TBC1D14: variants seen among roughly 807,000 people sequenced by gnomAD.
TBC1D14 encodes the protein TBC1 domain family, member 14.
Under a neutral mutation model 79.0 loss-of-function variants are expected in TBC1D14, and 26 were observed. That is an observed-to-expected ratio of 0.33 (90% CI 0.24 to 0.46). TBC1D14 has a LOEUF of 0.46. TBC1D14 is among the 20% of genes least tolerant of loss of function. The pLI is 1.00. For missense variants in TBC1D14, 769 were observed against 887.6 expected (o/e 0.87, Z 1.70); for synonymous variants, 394 against 349.9 (o/e 1.13, Z -1.40).
intron 2 of TBC1D14, among the ~76,000 whole-genome samples, chr4:6,939,257 G>A (rs1418370208): frequency 6.6e-6 from 1 of 152,178 alleles, no homozygotes; most frequent in Non-Finnish European, 1.5e-5. Flanking sequence ...CAGGCCTGGA[G>A]ACCCCTCCTG....
intron 9 of TBC1D14, among the ~76,000 whole-genome samples, chr4:7,007,181 T>C (rs1480726830): frequency 6.6e-6 from 1 of 152,140 alleles, no homozygotes; most frequent in African/African-American, 2.4e-5. Context: ...CCTGGGTGGG[T>C]GGCCAAGCCG....
intron 3 of TBC1D14, among the ~76,000 whole-genome samples, chr4:6,981,225 A>G (rs930054012): frequency 6.6e-6 from 1 of 151,668 alleles, no homozygotes; most frequent in Non-Finnish European, 1.5e-5. Context: ...GGGTTTTGCC[A>G]TGTTGGCCAG....
chr4:6,929,090 A>G (rs4254770), intron 2 of TBC1D14, among the ~76,000 whole-genome samples: 144,723 of 152,160 alleles, frequency 0.95, 69,243 homozygotes, highest in Middle Eastern at 1. Flanking sequence ...ATGGACCTGC[A>G]TTGCTGCTGG....
chr4:6,984,643 G>A (rs1717658105), intron 3 of TBC1D14, among the ~76,000 whole-genome samples: 1 of 152,202 alleles, frequency 6.6e-6, no homozygotes, highest in Non-Finnish European at 1.5e-5. Context: ...CGTTACAGGA[G>A]TCTCTGATGG....
rs1187758880 is a variant in TBC1D14, at chr4:6,999,212, G to C, written c.1163+10G>C. The stretch of plus-strand genomic sequence containing the variant: ...CTAACTGGGAAACAATGTAAGATGT[G>C]GCTCTGGGTGTGGCTGAACTGCAGA... On this transcript the variant is annotated intron_variant, in intron 6 of 13. Transcript: ENST00000409757. 4 of 1,606,940 alleles carry C rather than the reference G, an allele frequency of 2.5e-6. No homozygotes were observed. The African/African-American group carries it at 4.0e-5, about 16-fold the overall frequency.
chr4:6,981,008 C>A (rs1454193802), intron 3 of TBC1D14, among the ~76,000 whole-genome samples: 8 of 151,064 alleles, frequency 5.3e-5, no homozygotes, highest in Non-Finnish European at 7.4e-5. Context: ...AGCCACCGCG[C>A]CCGGCCTCTG....
At chr4:6,992,788 C>CACA (rs2109148551) in intron 3 of TBC1D14, among the ~76,000 whole-genome samples, 1 of 152,340 alleles carries the variant, frequency 6.6e-6, no homozygotes, top group Admixed American at 6.5e-5. Flanking sequence ...GTACCCCATA[C>CACA]AGTGTAGATG....
intron 3 of TBC1D14, among the ~76,000 whole-genome samples, chr4:6,989,792 C>G (rs989897889): frequency 5.3e-5 from 8 of 152,194 alleles, no homozygotes; most frequent in African/African-American, 1.9e-4. Context: ...CTCAGGCACC[C>G]TGCCTCCCTG....
chr4:7,017,105 A>C lies in TBC1D14; in HGVS notation c.1757+2548A>C, dbSNP rs1721365525. Reference sequence around the variant, plus strand: ...CACATGAGGTCAGGAGTTCGAGACCAACCTGGCCAATGTGGCGAAACCCCG... The same window carrying C: ...CACATGAGGTCAGGAGTTCGAGACCCACCTGGCCAATGTGGCGAAACCCCG... On this transcript the variant is annotated intron_variant, in intron 12 of 13. Coordinates refer to ENST00000409757, the MANE Select transcript of TBC1D14 (RefSeq NM_020773.3). Among the ~76,000 whole-genome samples, 3 of 152,204 alleles carry C rather than the reference A, an allele frequency of 2.0e-5. No individual in the cohort carries two copies. In the South Asian group the frequency reaches 6.2e-4, roughly 32 times the overall value.
intron 2 of TBC1D14, among the ~76,000 whole-genome samples, chr4:6,961,030 C>T (rs1045828178): frequency 1.6e-4 from 24 of 152,232 alleles, no homozygotes; most frequent in African/African-American, 4.8e-4. Flanking sequence ...GTCTGGCACT[C>T]GACACTGGAC....
At chr4:6,962,911 G>A (rs186834392) in intron 2 of TBC1D14, among the ~76,000 whole-genome samples, 198 of 152,060 alleles carry the variant, frequency 1.3e-3, no homozygotes, top group African/African-American at 4.3e-3. Context: ...ACACACACAC[G>A]GTGGCTGCTC....
At chr4:7,008,110 G>A (rs781293771) in intron 9 of TBC1D14, among the ~76,000 whole-genome samples, 9 of 152,240 alleles carry the variant, frequency 5.9e-5, no homozygotes, top group Non-Finnish European at 1.0e-4. Flanking sequence ...GCAGATAACA[G>A]TGCTTTTTGT....
chr4:6,943,571 C>T (rs934899098), intron 2 of TBC1D14, among the ~76,000 whole-genome samples: 1 of 152,236 alleles, frequency 6.6e-6, no homozygotes, highest in African/African-American at 2.4e-5. Flanking sequence ...TCTGCTGCCT[C>T]TCCCGGGCAA....
At chr4:7,006,567 A>C (rs1351761855) in intron 8 of TBC1D14, 65 bp from the exon 9 acceptor site, 17 of 1,448,998 alleles carry the variant, frequency 1.2e-5, no homozygotes, top group African/African-American at 2.8e-5. Flanking sequence ...AAAACTTCAA[A>C]GGCTCGTAAT....
chr4:6,923,348 A>G, intron 1 of TBC1D14, 25 bp from the exon 2 acceptor site: 1 of 1,560,174 alleles, frequency 6.4e-7, no homozygotes, highest in Non-Finnish European at 8.7e-7. Context: ...ATCCACTTTA[A>G]TTTCCATGTT....
At chr4:6,986,262 T>G (rs1368340452) in intron 3 of TBC1D14, among the ~76,000 whole-genome samples, 1 of 152,194 alleles carries the variant, frequency 6.6e-6, no homozygotes, top group Non-Finnish European at 1.5e-5. Flanking sequence ...CATCCGCGGT[T>G]GGTGGACGTT....
At chr4:6,987,533 C>A in intron 3 of TBC1D14, 1 of 461,206 alleles carries the variant, frequency 2.2e-6, no homozygotes, top group Non-Finnish European at 3.6e-6. Flanking sequence ...CCGAAGCTTG[C>A]TGTGCATGCT....
rs367567488 is a variant in TBC1D14 at position 6,916,699 on chromosome 4, A to T, written c.-17-6674A>T. Among the ~76,000 whole-genome samples, 20 of 152,356 alleles carry T rather than the reference A, an allele frequency of 1.3e-4. No individual in the cohort carries two copies. The East Asian group carries it at 2.5e-3, about 19-fold the overall frequency. ...TTCCTGCAGAACTGAGTCTTGTGAC[A>T]GGTAAATACAATTCAGATGGCCTTG... On this transcript the variant is annotated intron_variant, in intron 1 of 13. Coordinates refer to ENST00000409757, the MANE Select transcript of TBC1D14 (RefSeq NM_020773.3).
intron 12 of TBC1D14, among the ~76,000 whole-genome samples, chr4:7,022,111 C>T (rs1721892767): frequency 6.6e-6 from 1 of 152,244 alleles, no homozygotes; most frequent in Non-Finnish European, 1.5e-5. Flanking sequence ...GCAGTCCCTG[C>T]TGGAGGAGAG....
Sources: allele counts gnomAD v4.1 joint callset (sites outside exome capture counted in the v4.1 genomes callset), GRCh38; gene constraint gnomAD v4.1.1; transcripts MANE v1.5; gene names NCBI Gene and HGNC (gene_info 2026-07-23, HGNC 2026-07-21).